SHD: variants seen among roughly 807,000 people sequenced by gnomAD.
The protein encoded by SHD is Src homology 2 domain containing transforming protein D, also known as SH2 domain-containing adapter protein D.
Under a neutral mutation model 31.2 loss-of-function variants are expected in SHD, and 29 were observed. The ratio of observed to expected loss-of-function variants is 0.93; its 90% CI spans 0.69 to 1.27. The LOEUF is 1.27. SHD is among the 50% of genes most tolerant of loss of function. SHD has a pLI of 0.00. For missense variants in SHD, 520 were observed against 453.8 expected (o/e 1.15, Z -1.33); for synonymous variants, 208 against 187.8 (o/e 1.11, Z -0.88).
intron 4 of SHD, among the ~76,000 whole-genome samples, chr19:4,286,268 T>C (rs1210998405): frequency 0.021 from 2,466 of 119,694 alleles, 94 homozygotes; most frequent in Admixed American, 0.035. Flanking sequence ...TCTCTCTTTC[T>C]TTCTTTCTTT....
At position 4,280,231 on chromosome 19, in the gene SHD, C is replaced by A. The variant is rs1277527086; in HGVS notation, c.168C>A (p.Asp56Glu). 3.1e-6 allele frequency: 5 copies of A among 1,613,732 alleles called. No homozygotes were observed. Among genetic ancestry groups the A allele is most frequent in the Admixed American group, 3.3e-5 (2 of 59,986 alleles). ...ACGCGGAGAGCCGCTTGGAGCCGGA[C>A]CCCGCGGGCCCTGGGGACTCCAAGA... is the stretch of plus-strand genomic sequence containing the variant. Reference protein sequence around the residue: ...YEDAESRLEPDPAGPGDSKNP... With the variant: ...YEDAESRLEPEPAGPGDSKNP... The change falls in exon 1 of 6, where the codon GAC becomes GAA. Residue 56 changes from aspartate to glutamate, a missense_variant. By Grantham distance (45) the Asp-to-Glu change is conservative. Coordinates refer to ENST00000543264, the MANE Select transcript of SHD (RefSeq NM_020209.4).
chr19:4,282,589 G>A (rs962941289), intron 1 of SHD, among the ~76,000 whole-genome samples: 59 of 151,486 alleles, frequency 3.9e-4, no homozygotes, highest in Middle Eastern at 3.2e-3. Flanking sequence ...GGTGGCGGGC[G>A]CCTGTAGTCC....
chr19:4,284,091 G>C (rs1186588305), intron 3 of SHD, among the ~76,000 whole-genome samples: 1 of 151,780 alleles, frequency 6.6e-6, no homozygotes, highest in East Asian at 2.0e-4. Context: ...ATCGTTTGAG[G>C]TCAGGAGTTC....
Position 4,280,011 on chromosome 19 carries a change from G to A in SHD, c.-53G>A, listed in dbSNP as rs1201579404. The A allele has an allele frequency of 6.6e-6, 10 of 1,506,940 alleles. No homozygotes were observed. The highest frequency in any genetic ancestry group is 2.0e-4 in the Middle Eastern group (1 of 5,040). The allele number at this position is 1,506,940 out of a possible 1,614,324, so 93.3% of individuals were successfully genotyped here. Reference sequence around the variant, plus strand: ...TCCTTGGGGAAAGGGGCCCGGAGAAGGGCATGTGGGGGCCCCTCTGACAGT... The same window carrying A: ...TCCTTGGGGAAAGGGGCCCGGAGAAAGGCATGTGGGGGCCCCTCTGACAGT... On this transcript the variant is annotated 5_prime_UTR_variant, in exon 1 of 6. Transcript: ENST00000543264.
chr19:4,289,337 T>C (rs1489632688), intron 5 of SHD, among the ~76,000 whole-genome samples: 2 of 150,306 alleles, frequency 1.3e-5, no homozygotes, highest in East Asian at 4.0e-4. Context: ...GGTCTCGATC[T>C]CCTGACCTCG....
chr19:4,288,196 G>A (rs1470565937), intron 4 of SHD, 47 bp from the exon 5 acceptor site: 1 of 1,593,248 alleles, frequency 6.3e-7, no homozygotes, highest in Non-Finnish European at 8.6e-7. Flanking sequence ...CCCAGAGTGT[G>A]TTTGAAGGGA....
At chr19:4,281,536 T>C (rs1208223842) in intron 1 of SHD, among the ~76,000 whole-genome samples, 2 of 149,060 alleles carry the variant, frequency 1.3e-5, no homozygotes, top group African/African-American at 5.0e-5. Flanking sequence ...GGCAGGTGGA[T>C]CACCTGAGGT....
At position 4,289,813 on chromosome 19, in the gene SHD, C is replaced by T. The variant is rs199849567; in HGVS notation, c.837-634C>T. ...GTCTCCATCTCCTGACCTCGTGATC[C>T]GCCTGCCTTGGCCTCCCAAAGTGCT... On this transcript the variant is annotated intron_variant, in intron 5 of 5. Transcript: ENST00000543264. Among the ~76,000 whole-genome samples, 34 of 151,242 alleles carry T rather than the reference C, an allele frequency of 2.2e-4. No individual in the cohort carries two copies. The East Asian group carries it at 4.5e-3, about 20-fold the overall frequency.
At chr19:4,286,218 CTTT>C (rs1971309394) in intron 4 of SHD, among the ~76,000 whole-genome samples, 6 of 100,212 alleles carry the variant, frequency 6.0e-5, no homozygotes, top group African/African-American at 1.1e-4. Flanking sequence ...TTCTTTCTTT[CTTT>C]CTTTCTTTCT....
intron 3 of SHD, 121 bp from the exon 4 acceptor site, chr19:4,284,660 G>A: frequency 1.6e-6 from 2 of 1,234,468 alleles, no homozygotes; most frequent in Non-Finnish European, 2.1e-6. Flanking sequence ...CCAGCCCCTG[G>A]GCTGTGATAG....
rs1971367857 is a variant in SHD at position 4,290,557 on chromosome 19, A to G, written c.947A>G (p.Tyr316Cys). Residue 316 changes from tyrosine (Y) to cysteine (C), a missense_variant, in exon 6 of 6, where the codon TAC becomes TGC. Physicochemically the swap from Tyr to Cys is radical, Grantham distance 194. Coordinates refer to ENST00000543264, the MANE Select transcript of SHD (RefSeq NM_020209.4). ...AGCGTGCCCGAGCTCGTCCTCCACT[A>G]CAGTTCACGCCCACTGCCGGTGCAG... is the stretch of plus-strand genomic sequence containing the variant. ...FPSVPELVLH[Y>C]SSRPLPVQGA... 3 of 1,613,504 alleles carry G rather than the reference A, an allele frequency of 1.9e-6. No homozygotes were observed. The highest frequency in any genetic ancestry group is 2.5e-6 in the Non-Finnish European group (3 of 1,180,004).
At chr19:4,289,222 T>G (rs1199995337) in intron 5 of SHD, among the ~76,000 whole-genome samples, 1 of 145,758 alleles carries the variant, frequency 6.9e-6, no homozygotes, top group East Asian at 2.2e-4. Flanking sequence ...GCCATTCTCC[T>G]GCCTCAGCCT....
intron 1 of SHD, among the ~76,000 whole-genome samples, chr19:4,282,342 C>T (rs112842077): frequency 0.042 from 6,406 of 152,116 alleles, 444 homozygotes; most frequent in African/African-American, 0.14. Context: ...ATTGCTTGAT[C>T]CCGGGAGTCG....
chr19:4,285,353 G>C (rs1971297782), intron 4 of SHD, among the ~76,000 whole-genome samples: 1 of 152,126 alleles, frequency 6.6e-6, no homozygotes, highest in Non-Finnish European at 1.5e-5. Context: ...TCACAGCTCC[G>C]TGCTGGGGTG....
In SHD at chr19:4,283,041, C is replaced by T; in HGVS notation, c.404-13C>T. Reference sequence around the variant, plus strand: ...ATGGGAGCAGGAGCTGAACAGTGTCCCTGGCCTCCTAGAACTTCCCGGCAG... The same window carrying T: ...ATGGGAGCAGGAGCTGAACAGTGTCTCTGGCCTCCTAGAACTTCCCGGCAG... On this transcript the variant is annotated splice_polypyrimidine_tract_variant and intron_variant, in intron 2 of 5. Transcript: ENST00000543264. The T allele has an allele frequency of 3.7e-6, 6 of 1,613,614 alleles. No individual in the cohort carries two copies. The highest frequency in any genetic ancestry group is 1.1e-5 in the South Asian group (1 of 91,062).
intron 4 of SHD, among the ~76,000 whole-genome samples, chr19:4,285,375 G>A (rs1044318735): frequency 1.3e-5 from 2 of 152,128 alleles, no homozygotes; most frequent in Non-Finnish European, 2.9e-5. Context: ...CACGTGAGCC[G>A]GGAGACGCTG....
At chr19:4,280,848 C>T (rs1328805269) in intron 1 of SHD, among the ~76,000 whole-genome samples, 2 of 151,902 alleles carry the variant, frequency 1.3e-5, no homozygotes, top group African/African-American at 2.4e-5. Context: ...CTTTTCAATG[C>T]ATAATGCTGG....
chr19:4,283,157 G>T lies in SHD; in HGVS notation c.507G>T (p.Arg169=). 2.5e-6 allele frequency: 4 copies of T among 1,614,148 alleles called. No homozygotes were observed. Among genetic ancestry groups the T allele is most frequent in the Non-Finnish European group, 3.4e-6 (4 of 1,180,028 alleles). Residue 169 remains arginine, a synonymous_variant, in exon 3 of 6, where the codon CGG becomes CGT. Transcript: ENST00000543264. ...CTGGGCAGAAGCCTCGGCAGAGCCGGATGCCCCAGGAAGATGAACGGCCAG... is the reference window on the plus strand; with the variant it reads ...CTGGGCAGAAGCCTCGGCAGAGCCGTATGCCCCAGGAAGATGAACGGCCAG... ...PPSGQKPRQS[R]MPQEDERPAD...
chr19:4,280,224 A>G lies in SHD; in HGVS notation c.161A>G (p.Glu54Gly). 1.9e-6 allele frequency: 3 copies of G among 1,613,780 alleles called. No individual in the cohort carries two copies. Among genetic ancestry groups the G allele is most frequent in the Non-Finnish European group, 2.5e-6 (3 of 1,179,998 alleles). Reference sequence around the variant, plus strand: ...TATGAGGACGCGGAGAGCCGCTTGGAGCCGGACCCCGCGGGCCCTGGGGAC... The same window carrying G: ...TATGAGGACGCGGAGAGCCGCTTGGGGCCGGACCCCGCGGGCCCTGGGGAC... ...DPYEDAESRL[E>G]PDPAGPGDSK... is the part of the protein sequence containing the mutation. Residue 54 changes from glutamate (E) to glycine (G), a missense_variant, in exon 1 of 6, where the codon GAG becomes GGG. Transcript: ENST00000543264.
Sources: gnomAD v4.1 joint callset for allele counts (sites outside exome capture counted in the v4.1 genomes callset) on GRCh38, gnomAD v4.1.1 for gene constraint, MANE v1.5 for transcripts, NCBI Gene and HGNC (gene_info 2026-07-23, HGNC 2026-07-21) for gene names.